Variants in ATP7A observed in about 807,000 individuals in gnomAD.
ATP7A encodes copper-transporting ATPase 1.
Under a neutral mutation model 83.5 loss-of-function variants are expected in ATP7A, and 7 were observed. The ratio of observed to expected loss-of-function variants is 0.08; its 90% CI spans 0.05 to 0.16. The LOEUF (loss-of-function observed/expected upper bound fraction) is 0.16, where lower values mean the gene tolerates loss of function less well. ATP7A is among the 10% of genes least tolerant of loss of function. The pLI is 1.00. For missense variants in ATP7A, 940 were observed against 1,120.8 expected (o/e 0.84, Z 2.30); for synonymous variants, 354 against 395.2 (o/e 0.90, Z 1.24).
Position 78,033,596 on chromosome X carries a change from GT to G in ATP7A, c.3295-6del, listed in dbSNP as rs1557237411. 1 of 1,209,098 alleles carries G rather than the reference GT, an allele frequency of 8.3e-7. No homozygotes were observed. The highest frequency in any genetic ancestry group is 1.1e-6 in the Non-Finnish European group (1 of 892,990). On this transcript the variant is annotated splice_polypyrimidine_tract_variant and splice_region_variant and intron_variant, in intron 16 of 22. Coordinates refer to ENST00000341514, the MANE Select transcript of ATP7A (RefSeq NM_000052.7). ...CAGTAGAGGAAATCCTTTTGTTTCTGTTTGTTAGGAGCTGGACACTGAAACC... is the reference window on the plus strand; with the variant it reads ...CAGTAGAGGAAATCCTTTTGTTTCTGTTGTTAGGAGCTGGACACTGAAACC...
chrX:77,949,834 T>C (rs1410695847), intron 1 of ATP7A, among the ~76,000 whole-genome samples: 1 of 112,311 alleles, frequency 8.9e-6, no homozygotes, highest in East Asian at 2.8e-4. Flanking sequence ...ATGGTATTTA[T>C]TATACATGCA....
intron 17 of ATP7A, among the ~76,000 whole-genome samples, chrX:78,036,924 A>G: frequency 9.0e-6 from 1 of 111,555 alleles, no homozygotes; most frequent in Non-Finnish European, 1.9e-5. Flanking sequence ...AGAATTCTAG[A>G]TGTGTCTTAA....
intron 2 of ATP7A, among the ~76,000 whole-genome samples, chrX:77,983,813 T>G (rs1031205370): frequency 1.2e-4 from 13 of 109,818 alleles, no homozygotes; most frequent in African/African-American, 3.0e-4. Flanking sequence ...GCCTCTTGAG[T>G]AGCTGGGATT....
At chrX:77,914,277 G>T (rs1258980134) in intron 1 of ATP7A, among the ~76,000 whole-genome samples, 3 of 110,576 alleles carry the variant, frequency 2.7e-5, no homozygotes, top group African/African-American at 9.9e-5. Context: ...AAGAGATGGG[G>T]TCTTGCTCTG....
At chrX:77,941,016 GAAAAATA>G (rs2077348487) in intron 1 of ATP7A, among the ~76,000 whole-genome samples, 1 of 111,564 alleles carries the variant, frequency 9.0e-6, no homozygotes, top group Non-Finnish European at 1.9e-5. Flanking sequence ...AGAACATGTG[GAAAAATA>G]AAAAATAAAT....
chrX:78,030,285 G>A (rs781875165), intron 15 of ATP7A, among the ~76,000 whole-genome samples: 30 of 110,838 alleles, frequency 2.7e-4, no homozygotes, highest in Non-Finnish European at 4.9e-4. Context: ...TTAGCTGGGC[G>A]AGTTGGCACA....
At chrX:77,956,802 T>C (rs2077447788) in intron 1 of ATP7A, among the ~76,000 whole-genome samples, 1 of 103,573 alleles carries the variant, frequency 9.7e-6, no homozygotes, top group South Asian at 4.5e-4. Context: ...TCTTTCTTTT[T>C]TTTTTTTTTA....
chrX:78,010,848 G>C (rs374949339), intron 7 of ATP7A, among the ~76,000 whole-genome samples: 2 of 110,245 alleles, frequency 1.8e-5, no homozygotes, highest in Non-Finnish European at 3.8e-5. Context: ...CAAAGTGCTG[G>C]GATTACAGGC....
At chrX:77,935,690 T>C in intron 1 of ATP7A, among the ~76,000 whole-genome samples, 1 of 111,111 alleles carries the variant, frequency 9.0e-6, no homozygotes, top group Middle Eastern at 4.9e-3. Context: ...GCAATTTTGT[T>C]CATATGAACT....
rs141228831 is a variant in ATP7A at position 77,935,101 on chromosome X, C to T, written c.-22+24266C>T. Among the ~76,000 whole-genome samples, 422 of 111,100 alleles carry T rather than the reference C, an allele frequency of 3.8e-3. 6 individuals carry two copies. The highest frequency in any genetic ancestry group is 0.01 in the Admixed American group (104 of 10,390). On this transcript the variant is annotated intron_variant, in intron 1 of 22. Coordinates refer to ENST00000341514, the MANE Select transcript of ATP7A (RefSeq NM_000052.7). ...GCGGGATTACAGGCATGAGCCACCA[C>T]GCTTGGCTGAGTTCTTTAAGAATTA...
intron 1 of ATP7A, among the ~76,000 whole-genome samples, chrX:77,931,774 C>G (rs1293231931): frequency 1.1e-5 from 1 of 92,311 alleles, no homozygotes; most frequent in Non-Finnish European, 2.2e-5. Flanking sequence ...GGGGGGCTGA[C>G]CCCCCCCACC....
intron 1 of ATP7A, among the ~76,000 whole-genome samples, chrX:77,958,575 C>A (rs1183028660): frequency 1.8e-5 from 2 of 110,624 alleles, no homozygotes; most frequent in African/African-American, 6.6e-5. Context: ...CTTTGGCTAT[C>A]TGGGGACTTT....
intron 17 of ATP7A, 25 bp from the exon 18 acceptor site, chrX:78,038,811 A>C (rs782753562): frequency 8.3e-7 from 1 of 1,207,561 alleles, no homozygotes; most frequent in East Asian, 3.0e-5. Context: ...AACTTACTAA[A>C]TGTTATTTCT....
intron 1 of ATP7A, chrX:77,923,898 CAG>C (rs1722292727): frequency 1.8e-5 from 2 of 111,519 alleles, no homozygotes; most frequent in African/African-American, 6.5e-5. Context: ...ACAGCTACAA[CAG>C]AATATACTAA....
In ATP7A at chrX:78,040,753, G is replaced by A. The variant is rs1186419283; in HGVS notation, c.3801+20G>A. On this transcript the variant is annotated intron_variant, in intron 19 of 22. Coordinates refer to ENST00000341514, the MANE Select transcript of ATP7A (RefSeq NM_000052.7). The stretch of plus-strand genomic sequence containing the variant: ...TCTCAGGTAATTGATAGGGGTATGT[G>A]ATAACTTCTAATTATTGATATACAT... 31 of 1,200,319 alleles carry A rather than the reference G, an allele frequency of 2.6e-5. No homozygotes were observed. Among genetic ancestry groups the A allele is most frequent in the African/African-American group, 3.5e-5 (2 of 56,878 alleles).
intron 7 of ATP7A, 99 bp downstream of exon 7, chrX:78,009,362 A>G: frequency 5.3e-6 from 5 of 941,316 alleles, no homozygotes; most frequent in Middle Eastern, 2.6e-4. Flanking sequence ...ATGAAAAAAA[A>G]TCTAACTCCT....
At chrX:78,042,903 A>G in intron 20 of ATP7A, 115 bp downstream of exon 20, 1 of 897,348 alleles carries the variant, frequency 1.1e-6, no homozygotes, top group Non-Finnish European at 1.6e-6. Flanking sequence ...GCTATCAGCC[A>G]TTAAGAGTTT....
At chrX:78,016,877 C>T (rs1445452469) in intron 12 of ATP7A, among the ~76,000 whole-genome samples, 10 of 112,217 alleles carry the variant, frequency 8.9e-5, no homozygotes, top group Non-Finnish European at 1.9e-4. Flanking sequence ...GTGTCTGTGG[C>T]TTTTCTAGGT....
In ATP7A at chrX:78,019,468, TTTG is replaced by T. The variant is rs1236071992; in HGVS notation, c.2627-760_2627-758del. 2.3e-4 allele frequency among the ~76,000 whole-genome samples: 26 copies of T among 111,312 alleles called. No individual in the cohort carries two copies. In the East Asian group the frequency reaches 5.6e-3, roughly 24 times the overall value. Reference sequence around the variant, plus strand: ...TCTTTCTTTCTTTCTTTTTTGTTTTTTTGTTGTTGTTGTTGTTGAGACAAGGTC... The same window carrying T: ...TCTTTCTTTCTTTCTTTTTTGTTTTTTTGTTGTTGTTGTTGAGACAAGGTC... On this transcript the variant is annotated intron_variant, in intron 12 of 22. Transcript: ENST00000341514.
Sources: gnomAD v4.1 joint callset for allele counts (sites outside exome capture counted in the v4.1 genomes callset) on GRCh38, gnomAD v4.1.1 for gene constraint, MANE v1.5 for transcripts, NCBI Gene and HGNC (gene_info 2026-07-23, HGNC 2026-07-21) for gene names.